KLF8: variants seen among roughly 807,000 people sequenced by gnomAD.
The protein encoded by KLF8 is Krueppel-like factor 8.
KLF8 carries 10 observed loss-of-function variants against 18.2 expected under a neutral mutation model. That is an observed-to-expected ratio of 0.55 (90% CI 0.34 to 0.93). The LOEUF is 0.93. KLF8 is among the 40% of genes least tolerant of loss of function. KLF8 has a pLI of 0.02. For synonymous variants in KLF8, 109 were observed against 97.3 expected, an observed-to-expected ratio of 1.12 and a Z score of -0.71; for missense variants, 264 against 277.9, an observed-to-expected ratio of 0.95 and a Z score of 0.36.
At chrX:56,045,498 A>G in the KLF8 span, among the ~76,000 whole-genome samples, 3 of 112,146 alleles carry the variant, frequency 2.7e-5, no homozygotes, top group South Asian at 1.1e-3. Context: ...CAGTATGGTC[A>G]TATTCACAAT....
chrX:56,073,869 C>T, the KLF8 span, among the ~76,000 whole-genome samples: 1 of 110,676 alleles, frequency 9.0e-6, no homozygotes, highest in Non-Finnish European at 1.9e-5. Flanking sequence ...CCTCAGCCTC[C>T]CAAGTTGCTG....
At chrX:56,178,554 T>C in the KLF8 span, among the ~76,000 whole-genome samples, 3 of 112,545 alleles carry the variant, frequency 2.7e-5, no homozygotes, top group South Asian at 7.3e-4. Flanking sequence ...AGGAAGTCCT[T>C]GCCCATGCCT....
At chrX:56,026,556 A>T in the KLF8 span, among the ~76,000 whole-genome samples, 1 of 111,870 alleles carries the variant, frequency 8.9e-6, no homozygotes, top group Non-Finnish European at 1.9e-5. Flanking sequence ...CTCTTGACAT[A>T]CTTTCCCTAA....
the KLF8 span, among the ~76,000 whole-genome samples, chrX:56,080,146 C>A: frequency 6.8e-4 from 75 of 110,338 alleles, no homozygotes; most frequent in African/African-American, 2.2e-3. Flanking sequence ...TAGTCCATTT[C>A]CATTTAAAGT....
chrX:56,148,374 A>G, the KLF8 span, among the ~76,000 whole-genome samples: 1 of 111,205 alleles, frequency 9.0e-6, no homozygotes, highest in East Asian at 2.8e-4. Flanking sequence ...GTTGTTGGTG[A>G]GTTTATACCA....
chrX:56,157,723 T>A, the KLF8 span, among the ~76,000 whole-genome samples: 2 of 111,877 alleles, frequency 1.8e-5, no homozygotes, highest in Admixed American at 1.9e-4. Flanking sequence ...CTTCACCCTC[T>A]TTTTGATGGG....
chrX:56,154,317 G>T, the KLF8 span, among the ~76,000 whole-genome samples: 364 of 111,626 alleles, frequency 3.3e-3, 1 homozygote, highest in African/African-American at 0.011. Context: ...ATAACTATCT[G>T]ATCTTTGACA....
chrX:56,206,000 G>A, the KLF8 span, among the ~76,000 whole-genome samples: 3 of 111,701 alleles, frequency 2.7e-5, no homozygotes, highest in South Asian at 3.7e-4. Flanking sequence ...CTAATGAGGA[G>A]CAAAGTCACG....
the KLF8 span, among the ~76,000 whole-genome samples, chrX:56,197,622 G>C: frequency 2.7e-5 from 3 of 111,687 alleles, no homozygotes; most frequent in African/African-American, 9.8e-5. Context: ...AAAGAGTCTA[G>C]GACCAGATGG....
chrX:56,192,457 G>C, the KLF8 span, among the ~76,000 whole-genome samples: 1 of 111,411 alleles, frequency 9.0e-6, no homozygotes, highest in African/African-American at 3.3e-5. Flanking sequence ...TAGAGAAATA[G>C]AAAACACAAT....
the KLF8 span, among the ~76,000 whole-genome samples, chrX:56,061,127 A>G: frequency 9.0e-6 from 1 of 111,474 alleles, no homozygotes; most frequent in Non-Finnish European, 1.9e-5. Flanking sequence ...TCCTGGATTC[A>G]TTGATTTTTT....
the KLF8 span, among the ~76,000 whole-genome samples, chrX:56,200,722 G>A: frequency 1.8e-5 from 2 of 111,210 alleles, no homozygotes; most frequent in African/African-American, 6.5e-5. Context: ...TCTGATAAAT[G>A]TGTTAATAAT....
the KLF8 span, among the ~76,000 whole-genome samples, chrX:56,047,705 G>A: frequency 9.0e-6 from 1 of 111,129 alleles, no homozygotes; most frequent in Non-Finnish European, 1.9e-5. Context: ...TTGCTATTGT[G>A]AATAGTGCCG....
chrX:56,156,998 T>C, the KLF8 span, among the ~76,000 whole-genome samples: 1 of 108,956 alleles, frequency 9.2e-6, no homozygotes, highest in Non-Finnish European at 1.9e-5. Flanking sequence ...TGTCCAACAA[T>C]GATAGACTGG....
At chrX:56,243,800 C>A (rs2147586024) in intron 1 of KLF8, among the ~76,000 whole-genome samples, 1 of 110,418 alleles carries the variant, frequency 9.1e-6, no homozygotes, top group African/African-American at 3.3e-5. Flanking sequence ...TCCAAAAGTG[C>A]TAGGATAACA....
chrX:56,254,555 C>T (rs945585260), intron 2 of KLF8, among the ~76,000 whole-genome samples: 1 of 111,808 alleles, frequency 8.9e-6, no homozygotes, highest in African/African-American at 3.3e-5. Context: ...TCTTGTCTGG[C>T]ATCCAGGAGG....
the KLF8 span, among the ~76,000 whole-genome samples, chrX:56,172,908 T>G: frequency 7.1e-4 from 80 of 112,407 alleles, 1 homozygote; most frequent in African/African-American, 2.6e-3. Context: ...TGTCTTCTTT[T>G]GAGAAGTGTC....
the KLF8 span, among the ~76,000 whole-genome samples, chrX:56,032,448 G>A: frequency 9.0e-6 from 1 of 111,675 alleles, no homozygotes; most frequent in East Asian, 2.8e-4. Flanking sequence ...TAATGTTTCT[G>A]TCACCTGAAA....
chrX:55,939,282 A>G, the KLF8 span, among the ~76,000 whole-genome samples: 54 of 112,127 alleles, frequency 4.8e-4, no homozygotes, highest in African/African-American at 1.7e-3. Context: ...ACTACTGGGT[A>G]CATAACGAAA....
Sources: gnomAD v4.1 joint callset for allele counts (sites outside exome capture counted in the v4.1 genomes callset) on GRCh38, gnomAD v4.1.1 for gene constraint, MANE v1.5 for transcripts, NCBI Gene and HGNC (gene_info 2026-07-23, HGNC 2026-07-21) for gene names.